Variants in DERA observed in about 807,000 individuals in gnomAD.
DERA encodes the protein 2-deoxy-D-ribose 5-phosphate aldolase.
Under a neutral mutation model 41.1 loss-of-function variants are expected in DERA, and 15 were observed. The ratio of observed to expected loss-of-function variants is 0.37; its 90% CI spans 0.24 to 0.56. The LOEUF (loss-of-function observed/expected upper bound fraction) is 0.56. Among genes scored for constraint, DERA ranks in the 20% least tolerant of loss-of-function variants. The pLI is 0.81. For synonymous variants in DERA, 139 were observed against 137.4 expected (o/e 1.01, Z -0.08); for missense variants, 396 against 403.4 (o/e 0.98, Z 0.16).
At position 15,999,771 on chromosome 12, in the gene DERA, A is replaced by C. The variant is rs555562996; in HGVS notation, c.637+17335A>C. ...GAATGATTGACTGAGTAACTCATTC[A>C]TTCATTCATTTATTCAGTCGTTAGG... On this transcript the variant is annotated intron_variant, in intron 6 of 8. Coordinates refer to ENST00000428559, the MANE Select transcript of DERA (RefSeq NM_015954.4). The surrounding 1 kb of genome is among the most constrained non-coding windows in gnomAD (Gnocchi z 5.3). Among the ~76,000 whole-genome samples the C allele has an allele frequency of 6.6e-6, 1 of 152,308 alleles. No homozygotes were observed. The highest frequency in any genetic ancestry group is 2.1e-4 in the South Asian group (1 of 4,830).
In DERA at chr12:15,988,505, A is replaced by G. The variant is rs567416412; in HGVS notation, c.637+6069A>G. On this transcript the variant is annotated intron_variant, in intron 6 of 8. Transcript: ENST00000428559. This position sits in a 1 kb window ranked among gnomAD's most constrained non-coding sequence, Gnocchi z 6.0. The stretch of plus-strand genomic sequence containing the variant: ...TTTTTGCAGGCAGGTCGTCCCTGTG[A>G]GTGTGTGAGTCTGACTGAGTCTGAG... 6.6e-6 allele frequency among the ~76,000 whole-genome samples: 1 copy of G among 152,164 alleles called. No individual in the cohort carries two copies. Among genetic ancestry groups the G allele is most frequent in the African/African-American group, 2.4e-5 (1 of 41,522 alleles).
At chr12:15,987,581 C>G (rs377672307) in intron 6 of DERA, among the ~76,000 whole-genome samples, 1 of 152,062 alleles carries the variant, frequency 6.6e-6, no homozygotes, top group South Asian at 2.1e-4. Flanking sequence ...TTCTATTGGT[C>G]TTTCCTTCTC....
chr12:16,029,161 G>A (rs911777580), intron 6 of DERA, among the ~76,000 whole-genome samples: 5 of 152,186 alleles, frequency 3.3e-5, no homozygotes, highest in Admixed American at 6.5e-5. Flanking sequence ...CTGGCCGGGC[G>A]CGGTGGCTCA....
chr12:16,001,856 G>A lies in DERA; in HGVS notation c.637+19420G>A, dbSNP rs944692941. Among the ~76,000 whole-genome samples the A allele has an allele frequency of 2.6e-5, 4 of 152,134 alleles. No individual in the cohort carries two copies. The highest frequency in any genetic ancestry group is 2.0e-4 in the Admixed American group (3 of 15,270). The stretch of plus-strand genomic sequence containing the variant: ...TGGAGACTTTGTTGAGAATTCAGGT[G>A]CTTTGGGAGCTTAGAGAGGAAACAA... On this transcript the variant is annotated intron_variant, in intron 6 of 8. Transcript: ENST00000428559. The surrounding 1 kb of genome is among the most constrained non-coding windows in gnomAD (Gnocchi z 4.1).
chr12:16,016,604 A>T (rs1220051773), intron 6 of DERA, among the ~76,000 whole-genome samples: 1 of 151,986 alleles, frequency 6.6e-6, no homozygotes, highest in African/African-American at 2.4e-5. Context: ...GTTCGAGACC[A>T]GCCCAGACAA....
chr12:15,927,806 G>C (rs891312245), intron 1 of DERA, among the ~76,000 whole-genome samples: 8 of 151,842 alleles, frequency 5.3e-5, no homozygotes, highest in Admixed American at 2.0e-4. Flanking sequence ...CTAATTATCT[G>C]TCTTTTTTAA....
In DERA at chr12:16,011,502, C is replaced by A. The variant is rs770423417; in HGVS notation, c.638-21040C>A. On this transcript the variant is annotated intron_variant, in intron 6 of 8. Coordinates refer to ENST00000428559, the MANE Select transcript of DERA (RefSeq NM_015954.4). The surrounding 1 kb of genome is among the most constrained non-coding windows in gnomAD (Gnocchi z 4.7). ...AGTTTCGATTTTGGAGCATTTCAGA[C>A]GTTCAGATTTGGGATGCTCTACTTG... Among the ~76,000 whole-genome samples the A allele has an allele frequency of 6.6e-6, 1 of 152,088 alleles. No homozygotes were observed. The highest frequency in any genetic ancestry group is 1.5e-5 in the Non-Finnish European group (1 of 67,996).
rs1467243763 is a variant in DERA at position 15,957,212 on chromosome 12, A to G, written c.129+179A>G. ...TGGGTTGGAGAAAGATAACACATTT[A>G]TCCAAACAAGTTAAAATCTTATCAC... On this transcript the variant is annotated intron_variant, in intron 2 of 8. Coordinates refer to ENST00000428559, the MANE Select transcript of DERA (RefSeq NM_015954.4). The surrounding 1 kb of genome is among the most constrained non-coding windows in gnomAD (Gnocchi z 4.8). Among the ~76,000 whole-genome samples the G allele has an allele frequency of 6.6e-6, 1 of 152,238 alleles. No homozygotes were observed. The highest frequency in any genetic ancestry group is 2.4e-5 in the African/African-American group (1 of 41,458).
At position 16,003,617 on chromosome 12, in the gene DERA, T is replaced by G. The variant is rs911267340; in HGVS notation, c.637+21181T>G. ...AACTAAAAACAACTGCTGGGGGCAG[T>G]GGAGAGGGAAGTAGACTGCAGGGTT... On this transcript the variant is annotated intron_variant, in intron 6 of 8. Coordinates refer to ENST00000428559, the MANE Select transcript of DERA (RefSeq NM_015954.4). This position sits in a 1 kb window ranked among gnomAD's most constrained non-coding sequence, Gnocchi z 4.8. Among the ~76,000 whole-genome samples, 19 of 151,978 alleles carry G rather than the reference T, an allele frequency of 1.3e-4. No individual in the cohort carries two copies. The highest frequency in any genetic ancestry group is 4.4e-4 in the African/African-American group (18 of 41,372).
At chr12:15,933,831 T>C (rs986565304) in intron 1 of DERA, among the ~76,000 whole-genome samples, 3 of 152,146 alleles carry the variant, frequency 2.0e-5, no homozygotes, top group Non-Finnish European at 4.4e-5. Context: ...CATCTTTTCA[T>C]AGTGACAGAG....
Position 15,928,892 on chromosome 12 carries a change from A to G in DERA, c.31+17478A>G, listed in dbSNP as rs1948306833. ...CTTGCCATTTTGACTTCTGTCCATC[A>G]TGGTTTTTGTACACTTGACCTTACT... On this transcript the variant is annotated intron_variant, in intron 1 of 8. Transcript: ENST00000428559. This position sits in a 1 kb window ranked among gnomAD's most constrained non-coding sequence, Gnocchi z 4.6. Among the ~76,000 whole-genome samples, 1 of 152,106 alleles carries G rather than the reference A, an allele frequency of 6.6e-6. No homozygotes were observed. Among genetic ancestry groups the G allele is most frequent in the Non-Finnish European group, 1.5e-5 (1 of 68,030 alleles).
intron 1 of DERA, among the ~76,000 whole-genome samples, chr12:15,912,987 A>T (rs1272673192): frequency 6.6e-6 from 1 of 152,206 alleles, no homozygotes; most frequent in Admixed American, 6.5e-5. Flanking sequence ...TTAGATTGGA[A>T]TATCCTTGAA....
rs1170948518 is a variant in DERA at position 16,019,074 on chromosome 12, T to G, written c.638-13468T>G. ...AGAGAGTCTGTAGTGCTGTGTGGTG[T>G]TGGTAATTCAAAATGTAGCATTTAT... On this transcript the variant is annotated intron_variant, in intron 6 of 8. Coordinates refer to ENST00000428559, the MANE Select transcript of DERA (RefSeq NM_015954.4). The surrounding 1 kb of genome is among the most constrained non-coding windows in gnomAD (Gnocchi z 4.4). 6.6e-6 allele frequency among the ~76,000 whole-genome samples: 1 copy of G among 152,168 alleles called. No individual in the cohort carries two copies. The highest frequency in any genetic ancestry group is 2.4e-5 in the African/African-American group (1 of 41,448).
chr12:15,919,941 A>G (rs1219741230), intron 1 of DERA, among the ~76,000 whole-genome samples: 1 of 151,696 alleles, frequency 6.6e-6, no homozygotes, highest in African/African-American at 2.4e-5. Flanking sequence ...CTGTCCGCCT[A>G]ATGGACTGCC....
At position 15,966,463 on chromosome 12, in the gene DERA, C is replaced by CAA. The variant is rs377752176; in HGVS notation, c.508+3529_508+3530dup. On this transcript the variant is annotated intron_variant, in intron 5 of 8. Transcript: ENST00000428559. This position sits in a 1 kb window ranked among gnomAD's most constrained non-coding sequence, Gnocchi z 5.1. The stretch of plus-strand genomic sequence containing the variant: ...TGAGGGACAGAGTGAGATTCCCTCT[C>CAA]AAAAAAAAAAAAAAGAATTCTGCAA... Among the ~76,000 whole-genome samples the CAA allele has an allele frequency of 5.5e-5, 6 of 109,212 alleles. No individual in the cohort carries two copies. The highest frequency in any genetic ancestry group is 2.0e-4 in the African/African-American group (6 of 29,326). 71.6% of individuals were successfully genotyped at this position (109,212 alleles called of 152,430 possible). A position where few individuals can be genotyped will look rare whatever the true frequency, so the allele number is the denominator to read the frequency against.
intron 5 of DERA, among the ~76,000 whole-genome samples, chr12:15,968,919 A>G (rs1421183266): frequency 6.6e-6 from 1 of 152,188 alleles, no homozygotes; most frequent in African/African-American, 2.4e-5. Context: ...TATGATTTTG[A>G]TAATTTATAC....
In DERA at chr12:15,999,529, A is replaced by G. The variant is rs1948860793; in HGVS notation, c.637+17093A>G. Among the ~76,000 whole-genome samples the G allele has an allele frequency of 6.6e-6, 1 of 152,202 alleles. No homozygotes were observed. Among genetic ancestry groups the G allele is most frequent in the African/African-American group, 2.4e-5 (1 of 41,446 alleles). ...TGTATAGAAGTTGTTAGGTGCAGAT[A>G]CAGAGAAAGGCATTTTGGGCTGAGA... On this transcript the variant is annotated intron_variant, in intron 6 of 8. Coordinates refer to ENST00000428559, the MANE Select transcript of DERA (RefSeq NM_015954.4). The surrounding 1 kb of genome is among the most constrained non-coding windows in gnomAD (Gnocchi z 5.3).
chr12:15,949,475 C>T (rs187312381), intron 1 of DERA, among the ~76,000 whole-genome samples: 29 of 132,938 alleles, frequency 2.2e-4, no homozygotes, highest in African/African-American at 5.6e-4. Context: ...AGCAAGGCTC[C>T]GTGGGCGTGG....
Position 15,911,764 on chromosome 12 carries a change from A to T in DERA, c.31+350A>T, listed in dbSNP as rs1199368202. ...ACAACCCCCAAGCAGGTAAAAACAG[A>T]TAAAAACCTTCTTTCTCCTCCTTTT... On this transcript the variant is annotated intron_variant, in intron 1 of 8. Coordinates refer to ENST00000428559, the MANE Select transcript of DERA (RefSeq NM_015954.4). The surrounding 1 kb of genome is among the most constrained non-coding windows in gnomAD (Gnocchi z 4.5). 1.8e-6 allele frequency: 1 copy of T among 566,536 alleles called. No homozygotes were observed. Among genetic ancestry groups the T allele is most frequent in the Non-Finnish European group, 3.3e-6 (1 of 299,098 alleles). 35.1% of individuals were successfully genotyped at this position (566,536 alleles called of 1,614,324 possible).
Sources: gnomAD v4.1 joint callset for allele counts (sites outside exome capture counted in the v4.1 genomes callset) on GRCh38, gnomAD v4.1.1 for gene constraint, Gnocchi (gnomAD v3.1) non-coding constraint, MANE v1.5 for transcripts, NCBI Gene and HGNC (gene_info 2026-07-23, HGNC 2026-07-21) for gene names.